TRPM3: variants seen among roughly 807,000 people sequenced by gnomAD.
The protein encoded by TRPM3 is long transient receptor potential channel 3.
TRPM3 carries 77 observed loss-of-function variants against 181.2 expected under a neutral mutation model. The observed-to-expected ratio is 0.42, with a 90% CI of 0.35 to 0.51. TRPM3 has a LOEUF of 0.51. Among genes scored for constraint, TRPM3 ranks in the 20% least tolerant of loss-of-function variants. The pLI is 0.01. For missense variants in TRPM3, 1,759 were observed against 2,196.7 expected, an observed-to-expected ratio of 0.80 and a Z score of 3.98; for synonymous variants, 745 against 796.4, an observed-to-expected ratio of 0.94 and a Z score of 1.09.
chr9:70,661,379 A>G (rs1314056384), intron 9 of TRPM3, among the ~76,000 whole-genome samples: 2 of 152,314 alleles, frequency 1.3e-5, no homozygotes, highest in South Asian at 4.1e-4. Flanking sequence ...GAACAGGAAC[A>G]AGACAAGGAT....
chr9:70,901,970 A>G (rs994627535), intron 1 of TRPM3, among the ~76,000 whole-genome samples: 9 of 152,304 alleles, frequency 5.9e-5, no homozygotes, highest in African/African-American at 2.2e-4. Flanking sequence ...CGCAATTAGG[A>G]TAAGATAACA....
chr9:71,211,645 C>T (rs1388550560), intron 1 of TRPM3, among the ~76,000 whole-genome samples: 2 of 152,144 alleles, frequency 1.3e-5, no homozygotes, highest in African/African-American at 4.8e-5. Context: ...GATATGCTGG[C>T]AATCTTTGGC....
chr9:71,039,457 A>C (rs372092610), intron 1 of TRPM3, among the ~76,000 whole-genome samples: 4 of 152,224 alleles, frequency 2.6e-5, no homozygotes, highest in South Asian at 2.1e-4. Flanking sequence ...TGGATTTTTC[A>C]GAAATATAAA....
At position 70,784,141 on chromosome 9, in the gene TRPM3, A is replaced by T; in HGVS notation, c.1112T>A (p.Ile371Asn). ...TGAGTATTTATGCCCAAAGGCCAGG[A>T]TGTCCGATGCCCGTCCACTCCCATC... ...VCDGSGRASD[I>N]LAFGHKYSEE... Residue 371 changes from isoleucine (I) to asparagine (N), a missense_variant, in exon 7 of 26, where the codon ATC becomes AAC. Around this residue, in one of 8 missense-constraint regions of TRPM3, gnomAD observed 737 missense variants for 957.4 expected, o/e 0.77. Transcript: ENST00000677713. 1 of 1,613,688 alleles carries T rather than the reference A, an allele frequency of 6.2e-7. No homozygotes were observed. Among genetic ancestry groups the T allele is most frequent in the Non-Finnish European group, 8.5e-7 (1 of 1,179,786 alleles).
chr9:70,534,342 T>C lies in TRPM3; in HGVS notation c.*1611A>G, dbSNP rs559747130. 8 of 152,352 alleles carry C rather than the reference T, an allele frequency of 5.3e-5. No individual in the cohort carries two copies. The highest frequency in any genetic ancestry group is 1.3e-4 in the Admixed American group (2 of 15,304). 9.4% of individuals were successfully genotyped at this position (152,352 alleles called of 1,614,324 possible). ...TCTAGTTTGATATGAGGAAAAGTCA[T>C]AGGAATTTAAAAAATTCATAATTTC... is the stretch of plus-strand genomic sequence containing the variant. On this transcript the variant is annotated 3_prime_UTR_variant, in exon 26 of 26. Transcript: ENST00000677713.
At chr9:70,578,970 G>A (rs550472286) in intron 22 of TRPM3, among the ~76,000 whole-genome samples, 3 of 152,284 alleles carry the variant, frequency 2.0e-5, no homozygotes, top group African/African-American at 7.2e-5. Context: ...AGTGCCAAAT[G>A]TCTCTTTGCT....
chr9:70,841,990 A>G (rs2094698822), intron 5 of TRPM3, among the ~76,000 whole-genome samples: 1 of 151,966 alleles, frequency 6.6e-6, no homozygotes, highest in African/African-American at 2.4e-5. Flanking sequence ...TATTCAGGTG[A>G]TGGGTACACT....
intron 22 of TRPM3, among the ~76,000 whole-genome samples, chr9:70,566,792 C>T (rs1480623102): frequency 6.6e-6 from 1 of 152,166 alleles, no homozygotes; most frequent in Non-Finnish European, 1.5e-5. Flanking sequence ...CTTTCTATGT[C>T]CACCTACTGT....
intron 1 of TRPM3, among the ~76,000 whole-genome samples, chr9:71,304,942 T>G (rs1266675105): frequency 6.6e-6 from 1 of 152,150 alleles, no homozygotes. Flanking sequence ...AGAAAATAGT[T>G]CCCACTAGTT....
intron 1 of TRPM3, among the ~76,000 whole-genome samples, chr9:70,881,082 A>G (rs2095983310): frequency 6.6e-6 from 1 of 152,080 alleles, no homozygotes; most frequent in South Asian, 2.1e-4. Context: ...AGTTTTTGTT[A>G]AATTTTTTTT....
intron 1 of TRPM3, among the ~76,000 whole-genome samples, chr9:71,374,244 C>T (rs541013071): frequency 6.6e-6 from 1 of 152,070 alleles, no homozygotes; most frequent in African/African-American, 2.4e-5. Context: ...TGTGGTGGCA[C>T]GTGCCTGTAA....
intron 5 of TRPM3, among the ~76,000 whole-genome samples, chr9:70,840,477 C>A (rs1241383066): frequency 6.6e-6 from 1 of 152,130 alleles, no homozygotes; most frequent in African/African-American, 2.4e-5. Context: ...TGGATGCACA[C>A]ATTTACTGAA....
chr9:71,056,047 C>T (rs2060618614), intron 1 of TRPM3, among the ~76,000 whole-genome samples: 2 of 151,970 alleles, frequency 1.3e-5, no homozygotes, highest in Admixed American at 1.3e-4. Flanking sequence ...ATTATCATCC[C>T]AATTTTACAC....
intron 1 of TRPM3, among the ~76,000 whole-genome samples, chr9:71,003,405 G>GT (rs57009325): frequency 0.011 from 1,642 of 144,988 alleles, 9 homozygotes; most frequent in South Asian, 0.017. Context: ...TGTGCATATG[G>GT]TTTTTTTTTT....
intron 1 of TRPM3, among the ~76,000 whole-genome samples, chr9:71,193,154 CAA>C (rs967409913): frequency 6.6e-6 from 1 of 151,790 alleles, no homozygotes; most frequent in Admixed American, 6.6e-5. Flanking sequence ...ACTCAATTTT[CAA>C]AAGTCTTTCC....
At chr9:71,422,759 C>T (rs543685822) in intron 1 of TRPM3, among the ~76,000 whole-genome samples, 1 of 152,164 alleles carries the variant, frequency 6.6e-6, no homozygotes, top group South Asian at 2.1e-4. Flanking sequence ...GAAAATTAGT[C>T]AGCTGATAAA....
intron 1 of TRPM3, among the ~76,000 whole-genome samples, chr9:71,112,144 G>C (rs1204274023): frequency 1.3e-5 from 2 of 152,068 alleles, no homozygotes; most frequent in Non-Finnish European, 2.9e-5. Flanking sequence ...ATAAAGCAAG[G>C]GTGGCCCCAG....
At chr9:71,082,035 T>C (rs1294391913) in intron 1 of TRPM3, among the ~76,000 whole-genome samples, 1 of 152,192 alleles carries the variant, frequency 6.6e-6, no homozygotes, top group African/African-American at 2.4e-5. Context: ...CAAATCCATA[T>C]TGAAAAGAAA....
Position 70,640,645 on chromosome 9 carries a change from G to T in TRPM3, c.1361C>A (p.Ala454Asp). 3.7e-6 allele frequency: 6 copies of T among 1,613,508 alleles called. No homozygotes were observed. The highest frequency in any genetic ancestry group is 5.1e-6 in the Non-Finnish European group (6 of 1,179,686). ...TAAAGCTAAGCTCAGTTGGTCTGGG[G>T]CCGAGGCATTGGCTCCTGTGTGAGG... Reference protein sequence around the residue: ...TALLKGANASAPDQLSLALAW... With the variant: ...TALLKGANASDPDQLSLALAW... The change falls in exon 10 of 26, where the codon GCC becomes GAC. Residue 454 changes from alanine (A) to aspartate (D), a missense_variant. By Grantham distance (126) the Ala-to-Asp change is moderately radical. Around this residue, in one of 8 missense-constraint regions of TRPM3, gnomAD observed 737 missense variants for 957.4 expected, o/e 0.77. Coordinates refer to ENST00000677713, the MANE Select transcript of TRPM3 (RefSeq NM_001366145.2).
Sources: gnomAD v4.1 joint callset for allele counts (sites outside exome capture counted in the v4.1 genomes callset) on GRCh38, gnomAD v4.1.1 for gene constraint, gnomAD v4.1.1 regional missense constraint, MANE v1.5 for transcripts, NCBI Gene and HGNC (gene_info 2026-07-23, HGNC 2026-07-21) for gene names.